PCDHA2: variants seen among roughly 807,000 people sequenced by gnomAD.
PCDHA2 encodes the protein protocadherin alpha 2, also known as protocadherin alpha-2.
Under a neutral mutation model 66.0 loss-of-function variants are expected in PCDHA2, and 58 were observed. The ratio of observed to expected loss-of-function variants is 0.88; its 90% CI spans 0.71 to 1.09. The LOEUF (loss-of-function observed/expected upper bound fraction) is 1.09, where lower values mean the gene tolerates loss of function less well. PCDHA2 is among the 50% of genes least tolerant of loss of function. The probability of loss-of-function intolerance (pLI) is 0.00; values close to 1 mark genes in which losing one functional copy is unlikely to be tolerated. For missense variants in PCDHA2, 1,267 were observed against 1,242.3 expected (o/e 1.02, Z -0.30); for synonymous variants, 634 against 554.0 (o/e 1.14, Z -2.03).
intron 1 of PCDHA2, among the ~76,000 whole-genome samples, chr5:140,934,913 G>A (rs1226804104): frequency 1.3e-5 from 2 of 152,062 alleles, no homozygotes; most frequent in African/African-American, 4.8e-5. Flanking sequence ...GAATAATTAT[G>A]GATTCACATA....
At chr5:140,850,964 C>T in intron 1 of PCDHA2, 2 of 1,468,876 alleles carry the variant, frequency 1.4e-6, no homozygotes, top group Non-Finnish European at 1.8e-6. Flanking sequence ...TCCCAGGGGC[C>T]GTTCAAATAG....
intron 1 of PCDHA2, chr5:140,928,859 T>G (rs782758888): frequency 1.2e-6 from 2 of 1,614,176 alleles, no homozygotes; most frequent in Non-Finnish European, 1.7e-6. Flanking sequence ...GGTGTGCTGT[T>G]GAGCAACTCT....
intron 1 of PCDHA2, chr5:140,862,474 T>C (rs1342820666): frequency 2.6e-6 from 1 of 377,454 alleles, no homozygotes. Flanking sequence ...AGCAAATCTA[T>C]CCATTGTTGG....
chr5:140,803,826 G>A, intron 1 of PCDHA2: 3 of 638,648 alleles, frequency 4.7e-6, no homozygotes, highest in Middle Eastern at 4.2e-4. Context: ...ATTAGGTGCA[G>A]TAGTAGAATT....
intron 1 of PCDHA2, chr5:140,882,667 C>T (rs576133039): frequency 1.2e-6 from 2 of 1,614,160 alleles, no homozygotes; most frequent in Non-Finnish European, 1.7e-6. Flanking sequence ...CGCCCATATT[C>T]CCTGAAAGCA....
chr5:140,838,244 G>A (rs1372782254), intron 1 of PCDHA2, among the ~76,000 whole-genome samples: 4 of 149,760 alleles, frequency 2.7e-5, no homozygotes, highest in Non-Finnish European at 5.9e-5. Flanking sequence ...CTCCCAAGTA[G>A]CTGGGATTAA....
chr5:140,870,346 G>C (rs782365260), intron 1 of PCDHA2: 2 of 1,614,236 alleles, frequency 1.2e-6, no homozygotes, highest in Non-Finnish European at 1.7e-6. Context: ...CCTGGACCGC[G>C]AGAACGTGTG....
At chr5:140,922,863 G>A (rs1429324543) in intron 1 of PCDHA2, among the ~76,000 whole-genome samples, 10 of 152,160 alleles carry the variant, frequency 6.6e-5, no homozygotes, top group Admixed American at 5.2e-4. Context: ...ACATAGACAA[G>A]GGGAAAAAAT....
chr5:140,841,198 C>T (rs1554138026), intron 1 of PCDHA2: 1 of 1,281,234 alleles, frequency 7.8e-7, no homozygotes, highest in African/African-American at 1.5e-5. Flanking sequence ...TTTTCTCTGA[C>T]AGCATCTGTC....
At chr5:140,882,887 G>A (rs781927732) in intron 1 of PCDHA2, 43 of 1,614,050 alleles carry the variant, frequency 2.7e-5, no homozygotes, top group Non-Finnish European at 3.6e-5. Context: ...GGAAATTCAG[G>A]AACATAGTTT....
chr5:140,853,857 A>T, intron 1 of PCDHA2: 3 of 985,610 alleles, frequency 3.0e-6, no homozygotes, highest in Non-Finnish European at 3.7e-6. Flanking sequence ...GCCCTATTTG[A>T]TACTTGACAG....
intron 1 of PCDHA2, among the ~76,000 whole-genome samples, chr5:140,881,750 C>T (rs1161973911): frequency 6.6e-6 from 1 of 152,092 alleles, no homozygotes; most frequent in Non-Finnish European, 1.5e-5. Flanking sequence ...AGGACAGTAC[C>T]ACAAAAACCT....
At chr5:140,822,284 G>A (rs2150115215) in intron 1 of PCDHA2, 1 of 1,614,234 alleles carries the variant, frequency 6.2e-7, no homozygotes, top group South Asian at 1.1e-5. Context: ...TTGAGATACA[G>A]GTTAAATCCA....
chr5:140,923,792 T>G (rs2081513332), intron 1 of PCDHA2, among the ~76,000 whole-genome samples: 1 of 152,310 alleles, frequency 6.6e-6, no homozygotes, highest in South Asian at 2.1e-4. Flanking sequence ...CTTCATTCTT[T>G]TCACAAATGA....
At position 140,794,872 on chromosome 5, in the gene PCDHA2, T is replaced by C; in HGVS notation, c.-93T>C. On this transcript the variant is annotated 5_prime_UTR_variant, in exon 1 of 4. Coordinates refer to ENST00000526136, the MANE Select transcript of PCDHA2 (RefSeq NM_018905.3). ...TTGTTACTTCAGAGAAGCGGAGGAA[T>C]AAGAGAAGCAGCAGGACTTTAACAG... 7.4e-7 allele frequency: 1 copy of C among 1,347,756 alleles called. No individual in the cohort carries two copies. Among genetic ancestry groups the C allele is most frequent in the Non-Finnish European group, 1.0e-6 (1 of 982,238 alleles). The allele number at this position is 1,347,756 out of a possible 1,614,324, so 83.5% of individuals were successfully genotyped here.
At chr5:140,896,099 C>T (rs1395621401) in intron 1 of PCDHA2, among the ~76,000 whole-genome samples, 1 of 152,236 alleles carries the variant, frequency 6.6e-6, no homozygotes, top group Non-Finnish European at 1.5e-5. Context: ...GCGTGAGCCA[C>T]TGTGCCTGGC....
intron 1 of PCDHA2, chr5:140,829,405 C>T: frequency 2.5e-6 from 4 of 1,614,154 alleles, no homozygotes; most frequent in Non-Finnish European, 3.4e-6. Context: ...TGTGGGCCAC[C>T]GCCAGCTTGT....
chr5:140,828,611 T>A (rs2150157344), intron 1 of PCDHA2: 1 of 1,614,202 alleles, frequency 6.2e-7, no homozygotes, highest in Non-Finnish European at 8.5e-7. Flanking sequence ...TAAACTCAGT[T>A]CTAGCGAATA....
chr5:140,870,666 G>T (rs782557554), intron 1 of PCDHA2: 1 of 1,612,662 alleles, frequency 6.2e-7, no homozygotes, highest in Admixed American at 1.7e-5. Context: ...CGCTGCAGCC[G>T]TTGGACCACG....
Sources: allele counts gnomAD v4.1 joint callset (sites outside exome capture counted in the v4.1 genomes callset), GRCh38; gene constraint gnomAD v4.1.1; transcripts MANE v1.5; gene names NCBI Gene and HGNC (gene_info 2026-07-23, HGNC 2026-07-21).